LSM7: variants seen among roughly 807,000 people sequenced by gnomAD.
LSM7 encodes LSM7 homolog, U6 small nuclear RNA and mRNA degradation associated.
A neutral mutation model predicts 14.1 loss-of-function variants in LSM7; 13 were observed. The observed-to-expected ratio is 0.92, with a 90% confidence interval of 0.60 to 1.47. The LOEUF is 1.47. Among genes scored for constraint, LSM7 ranks in the 40% most tolerant of loss-of-function variants. The pLI is 0.00. For missense variants in LSM7, 108 were observed against 140.8 expected (o/e 0.77, Z 1.18); for synonymous variants, 70 against 57.1 (o/e 1.23, Z -1.02).
chr19:2,327,186 G>T (rs1968042474), intron 2 of LSM7, among the ~76,000 whole-genome samples: 1 of 152,238 alleles, frequency 6.6e-6, no homozygotes, highest in South Asian at 2.1e-4. Flanking sequence ...TGACCAGCAA[G>T]AGCGGCCGCT....
At chr19:2,325,641 C>T (rs1599179942) in intron 2 of LSM7, among the ~76,000 whole-genome samples, 1 of 122,222 alleles carries the variant, frequency 8.2e-6, no homozygotes, top group African/African-American at 2.8e-5. Flanking sequence ...ACACCGAGGG[C>T]CGCCCTGTGC....
At chr19:2,328,253 G>A (rs1968080459) in intron 2 of LSM7, 134 bp downstream of exon 2, 2 of 773,974 alleles carry the variant, frequency 2.6e-6, no homozygotes, top group African/African-American at 1.8e-5. Flanking sequence ...CCGGGTGACA[G>A]AGCGAGACTG....
At chr19:2,326,312 T>TTTTG (rs1491525398) in intron 2 of LSM7, among the ~76,000 whole-genome samples, 10 of 129,782 alleles carry the variant, frequency 7.7e-5, no homozygotes, top group South Asian at 2.6e-4. Context: ...TTTCTGCTTT[T>TTTTG]TGTGTGTGTG....
In LSM7 at chr19:2,324,114, AC is replaced by A. The variant is rs3217017; in HGVS notation, c.169+10del. Reference sequence around the variant, plus strand: ...CGTCCCGCTGCCTGCCTCGGCCGCCACCCCACTCACCTCGCATGTACTCAAT... The same window carrying A: ...CGTCCCGCTGCCTGCCTCGGCCGCCACCCACTCACCTCGCATGTACTCAAT... On this transcript the variant is annotated intron_variant, in intron 3 of 3. Coordinates refer to ENST00000252622, the MANE Select transcript of LSM7 (RefSeq NM_016199.3). 1.2e-4 allele frequency: 170 copies of A among 1,396,110 alleles called. 4 individuals carry two copies. The South Asian group carries it at 2.0e-3, about 17-fold the overall frequency. The allele number at this position is 1,396,110 out of a possible 1,614,324, so 86.5% of individuals were successfully genotyped here.
intron 2 of LSM7, 190 bp from the exon 3 acceptor site, chr19:2,324,386 C>T (rs1486488301): frequency 1.7e-5 from 10 of 576,314 alleles, no homozygotes; most frequent in South Asian, 4.0e-5. Context: ...CAGCAGACCA[C>T]GTCTGCGGGG....
intron 2 of LSM7, chr19:2,324,561 T>C: frequency 3.9e-6 from 1 of 255,468 alleles, no homozygotes; most frequent in African/African-American, 2.2e-5. Context: ...TTCATGTAAT[T>C]TCCACATCGT....
intron 2 of LSM7, 63 bp downstream of exon 2, chr19:2,328,324 C>T: frequency 7.2e-7 from 1 of 1,392,394 alleles, no homozygotes; most frequent in Admixed American, 1.9e-5. Flanking sequence ...TCCTCATCAT[C>T]TCTGTTGCTG....
intron 3 of LSM7, among the ~76,000 whole-genome samples, chr19:2,322,755 T>C (rs946779366): frequency 2.6e-5 from 4 of 152,160 alleles, no homozygotes; most frequent in African/African-American, 9.7e-5. Flanking sequence ...GCTCTGTTGC[T>C]CAGGTTGGAG....
In LSM7 at chr19:2,328,047, G is replaced by A. The variant is rs977414255; in HGVS notation, c.97+340C>T. ...TGAAATCCCAGCAATTTAGGGGGCT[G>A]AGGCAGGCAGATCGCTTGAGGCCAG... is the stretch of plus-strand genomic sequence containing the variant. On this transcript the variant is annotated intron_variant, in intron 2 of 3. Transcript: ENST00000252622. 7 of 208,602 alleles carry A rather than the reference G, an allele frequency of 3.4e-5. No homozygotes were observed. The East Asian group carries it at 3.7e-4, about 11-fold the overall frequency. The allele number at this position is 208,602 out of a possible 1,614,324, so 12.9% of individuals were successfully genotyped here.
chr19:2,324,284 G>T, intron 2 of LSM7, 88 bp from the exon 3 acceptor site: 1 of 1,032,244 alleles, frequency 9.7e-7, no homozygotes, highest in Non-Finnish European at 1.5e-6. Flanking sequence ...CAGGTATGGG[G>T]CTAACTGCTC....
At chr19:2,328,181 A>T in intron 2 of LSM7, 1 of 546,454 alleles carries the variant, frequency 1.8e-6, no homozygotes. Context: ...GAGGCACAAG[A>T]ATCACTTGAA....
Position 2,328,371 on chromosome 19 carries a change from G to A in LSM7, c.97+16C>T. The A allele has an allele frequency of 6.2e-7, 1 of 1,611,706 alleles. No individual in the cohort carries two copies. Among genetic ancestry groups the A allele is most frequent in the South Asian group, 1.1e-5 (1 of 91,004 alleles). On this transcript the variant is annotated intron_variant, in intron 2 of 3. Transcript: ENST00000252622. ...AATTTTTAAAGAGGGGGTACCGACA[G>A]CGGGAGCCTCCTCACCTTCGCGGCC... is the stretch of plus-strand genomic sequence containing the variant.
chr19:2,323,513 C>T (rs992665863), intron 3 of LSM7, among the ~76,000 whole-genome samples: 5 of 152,148 alleles, frequency 3.3e-5, no homozygotes, highest in Admixed American at 3.3e-4. Context: ...TGCAGTTGCA[C>T]CATCTCGGCT....
intron 3 of LSM7, among the ~76,000 whole-genome samples, chr19:2,323,519 C>T (rs762511403): frequency 4.6e-5 from 7 of 152,248 alleles, no homozygotes; most frequent in East Asian, 3.9e-4. Flanking sequence ...TGCACCATCT[C>T]GGCTCACTGC....
At chr19:2,325,139 C>T (rs1967994932) in intron 2 of LSM7, among the ~76,000 whole-genome samples, 3 of 152,222 alleles carry the variant, frequency 2.0e-5, no homozygotes. Flanking sequence ...TGCCCCACCC[C>T]TCAAGCTTCG....
rs1357949603 is a variant in LSM7 at position 2,321,701 on chromosome 19, G to A, written c.291C>T (p.Phe97=). The A allele has an allele frequency of 4.5e-6, 7 of 1,557,630 alleles. No homozygotes were observed. In the South Asian group the frequency reaches 6.0e-5, roughly 13 times the overall value. Residue 97 remains phenylalanine (F), a synonymous_variant, in exon 4 of 4, where the codon TTC becomes TTT. Coordinates refer to ENST00000252622, the MANE Select transcript of LSM7 (RefSeq NM_016199.3). This position sits in a 1 kb window ranked among gnomAD's most constrained non-coding sequence, Gnocchi z 5.0. ...QDGMEAIPNP[F]IQQQDA Reference sequence around the variant, plus strand: ...CAGGCTAGGCGTCCTGCTGCTGGATGAAGGGGTTGGGGATGGCCTCCATGC... The same window carrying A: ...CAGGCTAGGCGTCCTGCTGCTGGATAAAGGGGTTGGGGATGGCCTCCATGC...
chr19:2,328,334 G>A (rs915962621), intron 2 of LSM7, 53 bp downstream of exon 2: 3 of 1,470,344 alleles, frequency 2.0e-6, no homozygotes, highest in African/African-American at 1.4e-5. Flanking sequence ...CTCTGTTGCT[G>A]GGTTTATTTG....
At chr19:2,325,899 C>T (rs1238802487) in intron 2 of LSM7, 2 of 152,362 alleles carry the variant, frequency 1.3e-5, no homozygotes, top group African/African-American at 4.8e-5. Context: ...AAGCTTCCGT[C>T]CACCTCCACA....
In LSM7 at chr19:2,324,115, C is replaced by T; in HGVS notation, c.169+10G>A. On this transcript the variant is annotated intron_variant, in intron 3 of 3. Coordinates refer to ENST00000252622, the MANE Select transcript of LSM7 (RefSeq NM_016199.3). ...GTCCCGCTGCCTGCCTCGGCCGCCA[C>T]CCCACTCACCTCGCATGTACTCAAT... The T allele has an allele frequency of 6.6e-7, 1 of 1,506,192 alleles. No individual in the cohort carries two copies. The highest frequency in any genetic ancestry group is 8.8e-7 in the Non-Finnish European group (1 of 1,130,370). 93.3% of individuals were successfully genotyped at this position (1,506,192 alleles called of 1,614,324 possible). A position where few individuals can be genotyped will look rare whatever the true frequency, so the allele number is the denominator to read the frequency against.
Sources: allele counts gnomAD v4.1 joint callset (sites outside exome capture counted in the v4.1 genomes callset), GRCh38; gene constraint gnomAD v4.1.1; non-coding constraint Gnocchi (gnomAD v3.1); transcripts MANE v1.5; gene names NCBI Gene and HGNC (gene_info 2026-07-23, HGNC 2026-07-21).